The following MFAP4 variants were observed in gnomAD, a reference collection of about 807,000 sequenced individuals.
The protein encoded by MFAP4 is microfibril-associated glycoprotein 4.
MFAP4 carries 20 observed loss-of-function variants against 32.4 expected under a neutral mutation model. The observed-to-expected ratio is 0.62, with a 90% CI of 0.43 to 0.90. The LOEUF (loss-of-function observed/expected upper bound fraction) is 0.90, where lower values mean the gene tolerates loss of function less well. Among genes scored for constraint, MFAP4 ranks in the 40% least tolerant of loss-of-function variants. MFAP4 has a pLI of 0.00. For synonymous variants in MFAP4, 146 were observed against 137.4 expected, an observed-to-expected ratio of 1.06 and a Z score of -0.44; for missense variants, 267 against 329.5, an observed-to-expected ratio of 0.81 and a Z score of 1.47.
chr17:19,384,688 C>G lies in MFAP4; in HGVS notation c.542G>C (p.Ser181Thr). The G allele has an allele frequency of 6.2e-7, 1 of 1,614,176 alleles. No individual in the cohort carries two copies. Among genetic ancestry groups the G allele is most frequent in the Non-Finnish European group, 8.5e-7 (1 of 1,180,028 alleles). Residue 181 changes from serine to threonine, a missense_variant, in exon 6 of 6, where the codon AGT (serine) becomes ACT (threonine). Physicochemically the swap from Ser to Thr is moderately conservative, Grantham distance 58. Transcript: ENST00000299610. ...GTCGAAGGTAGAGAACTTCTGGCCACTGTGGTAGGACAGGGAGTCACCTGG... is the reference window on the plus strand; with the variant it reads ...GTCGAAGGTAGAGAACTTCTGGCCAGTGTGGTAGGACAGGGAGTCACCTGG... ...GGAGDSLSYH[S>T]GQKFSTFDRD...
At position 19,384,567 on chromosome 17, in the gene MFAP4, G is replaced by A. The variant is rs759274925; in HGVS notation, c.663C>T (p.Tyr221=). 1.2e-6 allele frequency: 2 copies of A among 1,614,192 alleles called. No individual in the cohort carries two copies. The highest frequency in any genetic ancestry group is 1.7e-5 in the Admixed American group (1 of 60,024). The change falls in exon 6 of 6, where the codon TAC becomes TAT. Residue 221 remains tyrosine, a synonymous_variant. Coordinates refer to ENST00000299610, the MANE Select transcript of MFAP4 (RefSeq NM_002404.3). ...SCHFANLNGF[Y]LGGSHLSYAN... ...CATAAGAGAGGTGGGAGCCACCTAGGTAGAAGCCATTGAGGTTGGCAAAGT... is the reference window on the plus strand; with the variant it reads ...CATAAGAGAGGTGGGAGCCACCTAGATAGAAGCCATTGAGGTTGGCAAAGT...
At chr17:19,386,939 G>T in intron 1 of MFAP4, 101 bp from the exon 2 acceptor site, 1 of 1,426,288 alleles carries the variant, frequency 7.0e-7, no homozygotes, top group South Asian at 1.3e-5. Context: ...TACTGCCCTT[G>T]CCTGAATCCC....
intron 3 of MFAP4, 115 bp from the exon 4 acceptor site, chr17:19,385,569 C>A: frequency 5.7e-6 from 3 of 529,232 alleles, no homozygotes; most frequent in Non-Finnish European, 7.2e-6. Context: ...TGTTAAAGGA[C>A]TGGGTTGGGG....
chr17:19,386,658 C>T, intron 2 of MFAP4, 102 bp downstream of exon 2: 2 of 1,374,164 alleles, frequency 1.5e-6, no homozygotes, highest in Non-Finnish European at 1.0e-6. Flanking sequence ...AACCTGAGTC[C>T]TGCAGAGCTG....
intron 2 of MFAP4, 53 bp downstream of exon 2, chr17:19,386,707 C>G (rs970505045): frequency 8.2e-5 from 126 of 1,537,696 alleles, no homozygotes; most frequent in Non-Finnish European, 1.1e-4. Flanking sequence ...AGTCCAGCCT[C>G]TTCTTGCACA....
chr17:19,386,273 G>C, intron 3 of MFAP4, 37 bp downstream of exon 3: 2 of 1,516,776 alleles, frequency 1.3e-6, no homozygotes, highest in South Asian at 2.5e-5. Flanking sequence ...GCTGGGATTA[G>C]AACCAGCTCT....
At chr17:19,386,997 A>AC in intron 1 of MFAP4, 153 bp downstream of exon 1, 3 of 124,156 alleles carry the variant, frequency 2.4e-5, no homozygotes, top group Non-Finnish European at 3.2e-5. Context: ...CCCGCCCGCC[A>AC]AGTAACCCCA....
rs752932406 is a variant in MFAP4 at position 19,385,345 on chromosome 17, G to T, written c.337+13C>A. The T allele has an allele frequency of 1.4e-5, 22 of 1,614,108 alleles. No individual in the cohort carries two copies. The South Asian group carries it at 2.3e-4, about 17-fold the overall frequency. ...CTGGGGCAGCCCCTCAGCCCACCTG[G>T]TCCCTGCCTTACCCAGCCAGTACTC... is the stretch of plus-strand genomic sequence containing the variant. On this transcript the variant is annotated intron_variant, in intron 4 of 5. Transcript: ENST00000299610.
Position 19,384,347 on chromosome 17 carries a change from T to G in MFAP4, c.*115A>C. The G allele has an allele frequency of 7.1e-6, 9 of 1,269,292 alleles. No homozygotes were observed. Among genetic ancestry groups the G allele is most frequent in the South Asian group, 1.5e-5 (1 of 67,752 alleles). The allele number at this position is 1,269,292 out of a possible 1,614,324, so 78.6% of individuals were successfully genotyped here. On this transcript the variant is annotated 3_prime_UTR_variant, in exon 6 of 6. Transcript: ENST00000299610. ...ATGGCTGAGAGCCACAAGGCCCCCTTGTAAGGAGTTGGTGCTCGGGAATCA... is the reference window on the plus strand; with the variant it reads ...ATGGCTGAGAGCCACAAGGCCCCCTGGTAAGGAGTTGGTGCTCGGGAATCA...
chr17:19,386,972 T>TGCCGGGGGCCCCCCCCCCCCC, intron 1 of MFAP4, 134 bp from the exon 2 acceptor site: 13 of 936,972 alleles, frequency 1.4e-5, no homozygotes, highest in Non-Finnish European at 1.7e-5. Flanking sequence ...TGGCCCCTCT[T>TGCCGGGGGCCCCCCCCCCCCC]CCCTGCCCCC....
chr17:19,386,985 AC>A (rs1913064668), intron 1 of MFAP4, 147 bp from the exon 2 acceptor site: 3 of 329,106 alleles, frequency 9.1e-6, no homozygotes, highest in Non-Finnish European at 1.2e-5. Context: ...CTGCCCCCCC[AC>A]CCCGCCCGCC....
Position 19,384,074 on chromosome 17 carries a change from A to G in MFAP4, c.*388T>C, listed in dbSNP as rs1912930626. ...CTTAGCACACTAGGGTGGCCCAGAC[A>G]GGGGTCCACAGTGAGGAAGCAGGAC... On this transcript the variant is annotated 3_prime_UTR_variant, in exon 6 of 6. Coordinates refer to ENST00000299610, the MANE Select transcript of MFAP4 (RefSeq NM_002404.3). The G allele has an allele frequency of 3.4e-6, 1 of 293,760 alleles. No homozygotes were observed. Among genetic ancestry groups the G allele is most frequent in the Non-Finnish European group, 6.7e-6 (1 of 149,386 alleles). The allele number at this position is 293,760 out of a possible 1,614,324, so 18.2% of individuals were successfully genotyped here.
At chr17:19,386,676 G>A (rs1913047556) in intron 2 of MFAP4, 84 bp downstream of exon 2, 2 of 1,457,382 alleles carry the variant, frequency 1.4e-6, no homozygotes, top group East Asian at 2.5e-5. Context: ...CTGGGGCTCG[G>A]CCCTGACAGT....
chr17:19,386,294 C>T lies in MFAP4; in HGVS notation c.240+16G>A. On this transcript the variant is annotated intron_variant, in intron 3 of 5. Transcript: ENST00000299610. ...ATTAGAACCAGCTCTGGCCTCTGTT[C>T]CCTCCTCCCACTCACCGTCCACTTC... is the stretch of plus-strand genomic sequence containing the variant. 1 of 1,574,376 alleles carries T rather than the reference C, an allele frequency of 6.4e-7. No individual in the cohort carries two copies. Among genetic ancestry groups the T allele is most frequent in the South Asian group, 1.2e-5 (1 of 86,348 alleles).
chr17:19,386,977 G>GGCCC, intron 1 of MFAP4, 139 bp from the exon 2 acceptor site: 15 of 689,428 alleles, frequency 2.2e-5, no homozygotes, highest in African/African-American at 4.8e-5. Context: ...CCTCTTCCCT[G>GGCCC]CCCCCCCACC....
chr17:19,385,339 C>G lies in MFAP4; in HGVS notation c.337+19G>C, dbSNP rs765511948. 2 of 1,614,226 alleles carry G rather than the reference C, an allele frequency of 1.2e-6. No homozygotes were observed. The highest frequency in any genetic ancestry group is 2.7e-5 in the African/African-American group (2 of 75,070). ...CTGGCCCTGGGGCAGCCCCTCAGCCCACCTGGTCCCTGCCTTACCCAGCCA... is the reference window on the plus strand; with the variant it reads ...CTGGCCCTGGGGCAGCCCCTCAGCCGACCTGGTCCCTGCCTTACCCAGCCA... On this transcript the variant is annotated intron_variant, in intron 4 of 5. Transcript: ENST00000299610.
intron 2 of MFAP4, 113 bp from the exon 3 acceptor site, chr17:19,386,577 G>C (rs1913044728): frequency 3.0e-6 from 4 of 1,326,836 alleles, no homozygotes; most frequent in Admixed American, 4.0e-5. Context: ...GACACAAGGA[G>C]TCATGGAAGA....
rs1291182260 is a variant in MFAP4, at chr17:19,386,744, G to T, written c.85+16C>A. ...CCTGTGGGCCAGGCCGCGTCTGTGA[G>T]TGTGGGGCTGCTTACCATCTCCTCG... On this transcript the variant is annotated intron_variant, in intron 2 of 5. Coordinates refer to ENST00000299610, the MANE Select transcript of MFAP4 (RefSeq NM_002404.3). 1.2e-5 allele frequency: 19 copies of T among 1,563,558 alleles called. No individual in the cohort carries two copies. The highest frequency in any genetic ancestry group is 1.6e-5 in the Non-Finnish European group (19 of 1,153,944).
At position 19,384,403 on chromosome 17, in the gene MFAP4, A is replaced by T. The variant is rs946591958; in HGVS notation, c.*59T>A. 5 of 1,518,574 alleles carry T rather than the reference A, an allele frequency of 3.3e-6. No homozygotes were observed. Among genetic ancestry groups the T allele is most frequent in the Middle Eastern group, 2.2e-4 (1 of 4,510 alleles). 94.1% of individuals were successfully genotyped at this position (1,518,574 alleles called of 1,614,324 possible). On this transcript the variant is annotated 3_prime_UTR_variant, in exon 6 of 6. Transcript: ENST00000299610. Reference sequence around the variant, plus strand: ...AGCATGCATCAGGGGCAGCAGAGGGAGCACTCATGGAGACCATGGGTGTCC... The same window carrying T: ...AGCATGCATCAGGGGCAGCAGAGGGTGCACTCATGGAGACCATGGGTGTCC...
Sources: allele counts gnomAD v4.1 joint callset, GRCh38; gene constraint gnomAD v4.1.1; transcripts MANE v1.5; gene names NCBI Gene and HGNC (gene_info 2026-07-23, HGNC 2026-07-21).